Variants in LEPR observed in about 807,000 individuals in gnomAD.
LEPR encodes the protein OB receptor.
LEPR carries 56 observed loss-of-function variants against 114.7 expected under a neutral mutation model. That is an observed-to-expected ratio of 0.49 (90% CI 0.39 to 0.61). LEPR has a LOEUF of 0.61. LEPR is among the 20% of genes least tolerant of loss of function. The probability of loss-of-function intolerance (pLI) is 0.00; values close to 1 mark genes in which losing one functional copy is unlikely to be tolerated. For missense variants in LEPR, 1,202 were observed against 1,352.9 expected (o/e 0.89, Z 1.75); for synonymous variants, 443 against 461.4 (o/e 0.96, Z 0.51).
At chr1:65,458,164 A>C (rs1485745359) in intron 2 of LEPR, among the ~76,000 whole-genome samples, 1 of 152,236 alleles carries the variant, frequency 6.6e-6, no homozygotes, top group Non-Finnish European at 1.5e-5. Context: ...CTGAGGGACA[A>C]ATTATGGTAA....
intron 19 of LEPR, among the ~76,000 whole-genome samples, chr1:65,631,181 C>T (rs1658504361): frequency 6.6e-6 from 1 of 152,112 alleles, no homozygotes; most frequent in Admixed American, 6.6e-5. Flanking sequence ...CCTCCCCAGA[C>T]AGTTCCTTAG....
intron 5 of LEPR, among the ~76,000 whole-genome samples, chr1:65,589,945 A>G (rs1655574863): frequency 1.3e-5 from 2 of 151,948 alleles, no homozygotes; most frequent in South Asian, 4.1e-4. Flanking sequence ...TCATCTTGTC[A>G]ATTTGTGTAA....
chr1:65,616,023 G>T lies in LEPR; in HGVS notation c.2011G>T (p.Asp671Tyr). ...TLLWKPLMKN[D>Y]SLCSVQRYVI... ...TTTACTACAGCCCCTGATGAAAAAT[G>T]ACTCATTGTGCAGTGTTCAGAGATA... The change falls in exon 15 of 20, where the codon GAC becomes TAC. Residue 671 changes from aspartate (D) to tyrosine (Y), a missense_variant. Coordinates refer to ENST00000349533, the MANE Select transcript of LEPR (RefSeq NM_002303.6). 6.2e-7 allele frequency: 1 copy of T among 1,614,084 alleles called. No individual in the cohort carries two copies. Among genetic ancestry groups the T allele is most frequent in the South Asian group, 1.1e-5 (1 of 91,062 alleles).
intron 2 of LEPR, among the ~76,000 whole-genome samples, chr1:65,498,066 G>A (rs1363696856): frequency 1.3e-5 from 2 of 152,138 alleles, no homozygotes; most frequent in Admixed American, 1.3e-4. Flanking sequence ...TCCATATGGT[G>A]TATGAATATT....
chr1:65,462,539 G>T (rs1254087514), intron 2 of LEPR, among the ~76,000 whole-genome samples: 1 of 152,138 alleles, frequency 6.6e-6, no homozygotes, highest in African/African-American at 2.4e-5. Flanking sequence ...TGGGTCAAAT[G>T]GTATTTCTAG....
At chr1:65,430,237 A>C in intron 2 of LEPR, 1 of 428,970 alleles carries the variant, frequency 2.3e-6, no homozygotes, top group South Asian at 8.4e-5. Flanking sequence ...TGCTTTCTTT[A>C]TTTCTCTTAC....
At chr1:65,477,130 A>G (rs1367878863) in intron 2 of LEPR, among the ~76,000 whole-genome samples, 3 of 152,216 alleles carry the variant, frequency 2.0e-5, no homozygotes, top group Admixed American at 2.0e-4. Context: ...TAGGATAGGT[A>G]TCACCTTATC....
chr1:65,499,749 T>C (rs1352283288), intron 2 of LEPR, among the ~76,000 whole-genome samples: 1 of 152,164 alleles, frequency 6.6e-6, no homozygotes, highest in African/African-American at 2.4e-5. Flanking sequence ...TACCTCCCAG[T>C]ATTCCTTGTC....
chr1:65,535,010 T>A, intron 2 of LEPR, among the ~76,000 whole-genome samples: 1 of 152,166 alleles, frequency 6.6e-6, no homozygotes, highest in South Asian at 2.1e-4. Context: ...GCTATGAACA[T>A]GAGAGAATCA....
chr1:65,618,963 G>T (rs1355485231), intron 16 of LEPR, among the ~76,000 whole-genome samples: 1 of 152,180 alleles, frequency 6.6e-6, no homozygotes. Flanking sequence ...CTAGGACTGG[G>T]TGACCTAGAC....
chr1:65,628,412 C>T (rs1281848972), intron 19 of LEPR, among the ~76,000 whole-genome samples: 1 of 152,186 alleles, frequency 6.6e-6, no homozygotes, highest in Non-Finnish European at 1.5e-5. Flanking sequence ...GGTCCCTCCT[C>T]TTCCTGGAGG....
At chr1:65,540,814 G>A (rs76467619) in intron 2 of LEPR, among the ~76,000 whole-genome samples, 5,341 of 152,074 alleles carry the variant, frequency 0.035, 152 homozygotes, top group African/African-American at 0.069. Flanking sequence ...ATCTCAGGAG[G>A]GAAAGATCAG....
At chr1:65,606,754 A>G (rs1003245843) in intron 11 of LEPR, among the ~76,000 whole-genome samples, 1 of 152,200 alleles carries the variant, frequency 6.6e-6, no homozygotes, top group Non-Finnish European at 1.5e-5. Flanking sequence ...TTTCCTGACA[A>G]GAAATTATCA....
Position 65,420,690 on chromosome 1 carries a change from A to G in LEPR, c.-147A>G, listed in dbSNP as rs1646226793. 1.9e-6 allele frequency: 3 copies of G among 1,571,824 alleles called. No homozygotes were observed. Among genetic ancestry groups the G allele is most frequent in the African/African-American group, 1.4e-5 (1 of 73,998 alleles). On this transcript the variant is annotated 5_prime_UTR_variant, in exon 1 of 20. Transcript: ENST00000349533. ...GGCAGGCTGCCCGGGCCGTGGCAGG[A>G]AGCCGGAAGCAGCCGCGGCCCCAGT...
chr1:65,504,310 CAT>C (rs1335980394), intron 2 of LEPR, among the ~76,000 whole-genome samples: 1 of 152,124 alleles, frequency 6.6e-6, no homozygotes, highest in Non-Finnish European at 1.5e-5. Flanking sequence ...ATGGATCGTG[CAT>C]AGTGATTTCC....
intron 2 of LEPR, among the ~76,000 whole-genome samples, chr1:65,557,780 G>T (rs1441356690): frequency 6.6e-6 from 1 of 152,078 alleles, no homozygotes; most frequent in Non-Finnish European, 1.5e-5. Flanking sequence ...GTACAGTTTA[G>T]GGTGCATGTT....
At chr1:65,549,695 A>G (rs1284367224) in intron 2 of LEPR, among the ~76,000 whole-genome samples, 5 of 151,990 alleles carry the variant, frequency 3.3e-5, no homozygotes, top group Non-Finnish European at 1.5e-5. Flanking sequence ...TGTATTGGTT[A>G]TTCTAGTTAT....
At chr1:65,453,849 G>C (rs573915877) in intron 2 of LEPR, among the ~76,000 whole-genome samples, 2 of 151,792 alleles carry the variant, frequency 1.3e-5, no homozygotes, top group East Asian at 1.9e-4. Flanking sequence ...TTGACTTTCT[G>C]TCTCGTTGAT....
intron 2 of LEPR, among the ~76,000 whole-genome samples, chr1:65,488,214 C>CTTTCTTTTTCTT (rs774153035): frequency 2.1e-5 from 1 of 46,768 alleles, no homozygotes; most frequent in Non-Finnish European, 3.6e-5. Context: ...CTTTCTTTCT[C>CTTTCTTTTTCTT]TCTCTCTCTC....
Sources: gnomAD v4.1 joint callset for allele counts (sites outside exome capture counted in the v4.1 genomes callset) on GRCh38, gnomAD v4.1.1 for gene constraint, MANE v1.5 for transcripts, NCBI Gene and HGNC (gene_info 2026-07-23, HGNC 2026-07-21) for gene names.